Variants in RAPGEF2 observed in about 807,000 individuals in gnomAD.
RAPGEF2 encodes Rap guanine nucleotide exchange factor 2, also known as PDZ domain containing guanine nucleotide exchange factor (GEF) 1.
Under a neutral mutation model 186.7 loss-of-function variants are expected in RAPGEF2, and 54 were observed. That is an observed-to-expected ratio of 0.29 (90% CI 0.23 to 0.36). The LOEUF (loss-of-function observed/expected upper bound fraction) is 0.36. Among genes scored for constraint, RAPGEF2 ranks in the 10% least tolerant of loss-of-function variants. RAPGEF2 has a pLI of 1.00. For missense variants in RAPGEF2, 1,532 were observed against 2,045.0 expected, an observed-to-expected ratio of 0.75 and a Z score of 4.84; for synonymous variants, 712 against 705.9, an observed-to-expected ratio of 1.01 and a Z score of -0.14.
chr4:159,241,164 G>T, intron 5 of RAPGEF2, 37 bp from the exon 6 acceptor site: 1 of 1,421,942 alleles, frequency 7.0e-7, no homozygotes, highest in Non-Finnish European at 9.3e-7. Context: ...GAAATGTTGT[G>T]TTTGGAGAAA....
chr4:159,170,334 A>T (rs1235190363), intron 1 of RAPGEF2, among the ~76,000 whole-genome samples: 1 of 152,162 alleles, frequency 6.6e-6, no homozygotes, highest in African/African-American at 2.4e-5. Context: ...TTGCAAATAC[A>T]GTCAGCCCTC....
At chr4:159,280,312 G>A (rs1461031581) in intron 7 of RAPGEF2, among the ~76,000 whole-genome samples, 1 of 152,028 alleles carries the variant, frequency 6.6e-6, no homozygotes, top group Non-Finnish European at 1.5e-5. Flanking sequence ...TCTTTATTAC[G>A]GTTTTGACTG....
At chr4:159,311,935 T>C (rs772894068) in intron 8 of RAPGEF2, among the ~76,000 whole-genome samples, 1 of 152,188 alleles carries the variant, frequency 6.6e-6, no homozygotes, top group Non-Finnish European at 1.5e-5. Flanking sequence ...GTTTAGTAAA[T>C]GTTATTTTAT....
chr4:159,130,598 T>C (rs1740924532), intron 1 of RAPGEF2, among the ~76,000 whole-genome samples: 3 of 152,230 alleles, frequency 2.0e-5, no homozygotes, highest in Non-Finnish European at 2.9e-5. Flanking sequence ...TTATTAAAAT[T>C]AAAAATTTTT....
In RAPGEF2 at chr4:159,240,380, T is replaced by C. The variant is rs192070849; in HGVS notation, c.358-821T>C. ...ACGGAGTCTTGTCGTGTTGTCTAGC[T>C]TGAAGTGCAGTGGCGCGATCTCAGC... is the stretch of plus-strand genomic sequence containing the variant. On this transcript the variant is annotated intron_variant, in intron 5 of 29. Coordinates refer to ENST00000691494, the MANE Select transcript of RAPGEF2 (RefSeq NM_001394067.2). Among the ~76,000 whole-genome samples the C allele has an allele frequency of 4.2e-3, 603 of 144,558 alleles. 1 individual carries two copies. The highest frequency in any genetic ancestry group is 0.014 in the African/African-American group (564 of 39,162). The allele number at this position is 144,558 out of a possible 152,430, so 94.8% of individuals were successfully genotyped here.
At chr4:159,250,767 G>A (rs1231832797) in intron 7 of RAPGEF2, among the ~76,000 whole-genome samples, 2 of 149,546 alleles carry the variant, frequency 1.3e-5, no homozygotes, top group East Asian at 2.0e-4. Context: ...AGGTGACAAC[G>A]TGCTAGCAGC....
chr4:159,246,206 C>T (rs992545752), intron 7 of RAPGEF2, among the ~76,000 whole-genome samples: 1 of 151,984 alleles, frequency 6.6e-6, no homozygotes, highest in African/African-American at 2.4e-5. Context: ...ATTGAATTTT[C>T]CAGTAGATGA....
intron 4 of RAPGEF2, among the ~76,000 whole-genome samples, chr4:159,215,381 T>G (rs1408817317): frequency 6.6e-6 from 1 of 151,678 alleles, no homozygotes; most frequent in Non-Finnish European, 1.5e-5. Context: ...TCTTGCTGTG[T>G]TGCACAGGCT....
intron 18 of RAPGEF2, 88 bp from the exon 19 acceptor site, chr4:159,339,026 A>G: frequency 6.8e-7 from 1 of 1,466,856 alleles, no homozygotes; most frequent in East Asian, 2.3e-5. Context: ...CTTTTTCTTA[A>G]GGAGCTTTTT....
At chr4:159,213,364 C>T (rs1335230327) in intron 4 of RAPGEF2, among the ~76,000 whole-genome samples, 1 of 152,180 alleles carries the variant, frequency 6.6e-6, no homozygotes, top group African/African-American at 2.4e-5. Context: ...ACAGATTATT[C>T]TTCACCCCAA....
At chr4:159,210,906 TAA>T (rs1208314278) in intron 4 of RAPGEF2, among the ~76,000 whole-genome samples, 1 of 152,120 alleles carries the variant, frequency 6.6e-6, no homozygotes, top group African/African-American at 2.4e-5. Flanking sequence ...GGGACGAACT[TAA>T]AGAGTATAGC....
chr4:159,297,722 C>T (rs763416251), intron 7 of RAPGEF2, among the ~76,000 whole-genome samples: 39 of 152,098 alleles, frequency 2.6e-4, no homozygotes, highest in Non-Finnish European at 4.7e-4. Context: ...TGGTTGGCTT[C>T]TTCGTTTCCA....
intron 11 of RAPGEF2, 102 bp downstream of exon 11, chr4:159,323,719 AATTT>A: frequency 2.9e-6 from 2 of 689,202 alleles, no homozygotes; most frequent in Non-Finnish European, 3.9e-6. Flanking sequence ...TCTTACAAAT[AATTT>A]TTTTTTTTTT....
intron 7 of RAPGEF2, among the ~76,000 whole-genome samples, chr4:159,276,174 G>T (rs1758839407): frequency 6.6e-6 from 1 of 152,088 alleles, no homozygotes; most frequent in Non-Finnish European, 1.5e-5. Flanking sequence ...CTGGGTTGGT[G>T]GGGTTTGGGG....
At chr4:159,127,396 C>A (rs1740466422) in intron 1 of RAPGEF2, among the ~76,000 whole-genome samples, 1 of 152,140 alleles carries the variant, frequency 6.6e-6, no homozygotes, top group South Asian at 2.1e-4. Context: ...ATCAGTACCC[C>A]ACAAAAAACA....
chr4:159,143,617 T>G (rs1022992018), intron 1 of RAPGEF2, among the ~76,000 whole-genome samples: 13 of 152,192 alleles, frequency 8.5e-5, no homozygotes, highest in African/African-American at 3.1e-4. Flanking sequence ...TTTTTCTTTT[T>G]TTTTAACAGC....
intron 1 of RAPGEF2, among the ~76,000 whole-genome samples, chr4:159,119,624 A>T (rs1261016798): frequency 6.6e-6 from 1 of 152,212 alleles, no homozygotes; most frequent in Non-Finnish European, 1.5e-5. Flanking sequence ...ACGGTTATGG[A>T]ATGCAGGTAT....
intron 15 of RAPGEF2, 44 bp downstream of exon 15, chr4:159,331,877 G>A (rs1197212029): frequency 9.4e-6 from 15 of 1,591,944 alleles, no homozygotes; most frequent in Non-Finnish European, 1.1e-5. Flanking sequence ...TTTGGTGTCT[G>A]GTTTTTTTTT....
intron 4 of RAPGEF2, among the ~76,000 whole-genome samples, chr4:159,215,168 T>G (rs976648219): frequency 1.3e-5 from 2 of 151,202 alleles, no homozygotes; most frequent in African/African-American, 4.9e-5. Context: ...TTTTTTGTTG[T>G]TGTTGTTTGT....
Sources: gnomAD v4.1 joint callset for allele counts (sites outside exome capture counted in the v4.1 genomes callset) on GRCh38, gnomAD v4.1.1 for gene constraint, MANE v1.5 for transcripts, NCBI Gene and HGNC (gene_info 2026-07-23, HGNC 2026-07-21) for gene names.